AGPAT2: variants seen among roughly 807,000 people sequenced by gnomAD.
The protein encoded by AGPAT2 is 1-acyl-sn-glycerol-3-phosphate acyltransferase beta.
AGPAT2 carries 18 observed loss-of-function variants against 26.1 expected under a neutral mutation model. The observed-to-expected ratio is 0.69, with a 90% CI of 0.48 to 1.02. The LOEUF (loss-of-function observed/expected upper bound fraction) is 1.02. Among genes scored for constraint, AGPAT2 ranks in the 50% least tolerant of loss-of-function variants. The probability of loss-of-function intolerance (pLI) is 0.00; values close to 1 mark genes in which losing one functional copy is unlikely to be tolerated. For synonymous variants in AGPAT2, 200 were observed against 174.2 expected (o/e 1.15, Z -1.16); for missense variants, 415 against 394.9 (o/e 1.05, Z -0.43).
chr9:136,677,742 T>C (rs1228834901), intron 1 of AGPAT2, among the ~76,000 whole-genome samples, 186 bp from the exon 2 acceptor site: 1 of 152,172 alleles, frequency 6.6e-6, no homozygotes, highest in Non-Finnish European at 1.5e-5. Flanking sequence ...CTCACCCACC[T>C]GGACGGCTGC....
chr9:136,685,417 G>A (rs1490281365), intron 1 of AGPAT2, among the ~76,000 whole-genome samples: 1 of 152,224 alleles, frequency 6.6e-6, no homozygotes, highest in Non-Finnish European at 1.5e-5. Flanking sequence ...CAGGTGAACT[G>A]TGATTTGGTC....
chr9:136,675,622 T>C (rs1846081502), intron 4 of AGPAT2, among the ~76,000 whole-genome samples: 2 of 151,674 alleles, frequency 1.3e-5, no homozygotes, highest in African/African-American at 2.4e-5. Context: ...GTGGGTCTCC[T>C]GGCTGAAGCT....
intron 1 of AGPAT2, among the ~76,000 whole-genome samples, chr9:136,686,186 G>A (rs1846218885): frequency 6.6e-6 from 1 of 152,264 alleles, no homozygotes. Context: ...GGGCTGGCAA[G>A]GACAGCGAGT....
intron 1 of AGPAT2, among the ~76,000 whole-genome samples, chr9:136,684,211 G>A (rs1846194582): frequency 1.3e-5 from 2 of 152,192 alleles, no homozygotes; most frequent in Non-Finnish European, 2.9e-5. Context: ...GTATGAAAAA[G>A]TAAACTTCTC....
At chr9:136,680,269 C>T (rs2119191824) in intron 1 of AGPAT2, among the ~76,000 whole-genome samples, 1 of 152,352 alleles carries the variant, frequency 6.6e-6, no homozygotes. Flanking sequence ...CTCTGTCACC[C>T]AGACTGGAGT....
chr9:136,675,721 A>G (rs1241374544), intron 4 of AGPAT2, among the ~76,000 whole-genome samples: 2 of 152,116 alleles, frequency 1.3e-5, no homozygotes, highest in African/African-American at 2.4e-5. Context: ...TCTGCCCCCA[A>G]AGGGAAGTGA....
intron 2 of AGPAT2, 45 bp downstream of exon 2, chr9:136,677,378 C>T (rs751791200): frequency 1.6e-5 from 26 of 1,612,374 alleles, no homozygotes; most frequent in Admixed American, 1.0e-4. Context: ...CCAGCTCAGC[C>T]GGCCCCACTC....
chr9:136,687,439 T>G lies in AGPAT2; in HGVS notation c.-82A>C, dbSNP rs1311221138. ...CTCCCCCGCGCGCTCAGGCCCCTTATTGCGAGGGCGGCGGGGCTGGGCGGG... is the reference window on the plus strand; with the variant it reads ...CTCCCCCGCGCGCTCAGGCCCCTTAGTGCGAGGGCGGCGGGGCTGGGCGGG... On this transcript the variant is annotated 5_prime_UTR_variant, in exon 1 of 6. Transcript: ENST00000371696. 2.0e-5 allele frequency: 24 copies of G among 1,172,484 alleles called. No homozygotes were observed. The highest frequency in any genetic ancestry group is 2.3e-5 in the Non-Finnish European group (21 of 909,682). 72.6% of individuals were successfully genotyped at this position (1,172,484 alleles called of 1,614,324 possible).
chr9:136,679,611 A>C (rs1004790931), intron 1 of AGPAT2, among the ~76,000 whole-genome samples: 7 of 152,218 alleles, frequency 4.6e-5, no homozygotes, highest in African/African-American at 1.7e-4. Flanking sequence ...CGCTCCAAGA[A>C]GACGAGGAGG....
rs1176976293 is a variant in AGPAT2, at chr9:136,679,994, G to A, written c.183-2438C>T. On this transcript the variant is annotated intron_variant, in intron 1 of 5. Coordinates refer to ENST00000371696, the MANE Select transcript of AGPAT2 (RefSeq NM_006412.4). Reference sequence around the variant, plus strand: ...AGGAAAACCTGAAAATGCTTAAATAGCCACCAGTAGAAAGAGGGAAAGTAA... The same window carrying A: ...AGGAAAACCTGAAAATGCTTAAATAACCACCAGTAGAAAGAGGGAAAGTAA... 4.6e-5 allele frequency among the ~76,000 whole-genome samples: 7 copies of A among 152,308 alleles called. No homozygotes were observed. The East Asian group carries it at 1.3e-3, about 29-fold the overall frequency.
At chr9:136,675,436 A>G (rs192559715) in intron 4 of AGPAT2, among the ~76,000 whole-genome samples, 341 of 13,764 alleles carry the variant, frequency 0.025, 33 homozygotes, top group Middle Eastern at 0.1. Context: ...TGGCAGCAGG[A>G]AGGGAGGAGG....
At chr9:136,676,801 A>C (rs939830624) in intron 3 of AGPAT2, 121 bp from the exon 4 acceptor site, 6 of 1,262,528 alleles carry the variant, frequency 4.8e-6, no homozygotes, top group Non-Finnish European at 6.8e-6. Context: ...CCATCTGCGG[A>C]GCATGGATGA....
intron 1 of AGPAT2, among the ~76,000 whole-genome samples, chr9:136,686,254 T>C (rs1482082388): frequency 3.9e-5 from 6 of 152,210 alleles, no homozygotes; most frequent in Non-Finnish European, 8.8e-5. Context: ...AGGGGGCCTC[T>C]GGGGCCACAA....
chr9:136,677,657 C>T, intron 1 of AGPAT2, 101 bp from the exon 2 acceptor site: 1 of 1,446,452 alleles, frequency 6.9e-7, no homozygotes, highest in Non-Finnish European at 9.6e-7. Flanking sequence ...TGGGGAGGGG[C>T]CCTCCTGGCA....
Position 136,673,753 on chromosome 9 carries a change from T to A in AGPAT2, c.836A>T (p.Ter279LeuextTer87). The A allele has an allele frequency of 6.3e-7, 1 of 1,588,332 alleles. No individual in the cohort carries two copies. Among genetic ancestry groups the A allele is most frequent in the Non-Finnish European group, 8.6e-7 (1 of 1,168,692 alleles). ...TAGSGVQPAQ[*>L] Reference sequence around the variant, plus strand: ...GGTCATGCCCTGCCGTGGTCTGGGCTACTGGGCCGGCTGCACGCCAGACCC... The same window carrying A: ...GGTCATGCCCTGCCGTGGTCTGGGCAACTGGGCCGGCTGCACGCCAGACCC... Residue 279 changes from the stop codon to leucine, a stop_lost, in exon 6 of 6, where the codon TAG becomes TTG. Coordinates refer to ENST00000371696, the MANE Select transcript of AGPAT2 (RefSeq NM_006412.4).
At chr9:136,683,079 G>GA (rs1391850125) in intron 1 of AGPAT2, among the ~76,000 whole-genome samples, 37 of 149,778 alleles carry the variant, frequency 2.5e-4, no homozygotes, top group African/African-American at 8.8e-4. Flanking sequence ...GGGGGGAGGG[G>GA]GGGAAGAATC....
intron 1 of AGPAT2, among the ~76,000 whole-genome samples, chr9:136,685,728 TGG>T (rs1846213423): frequency 1.3e-5 from 2 of 152,076 alleles, no homozygotes; most frequent in South Asian, 4.1e-4. Context: ...CCTCCTCAGC[TGG>T]GAAAGCCGCA....
Position 136,677,029 on chromosome 9 carries a change from T to A in AGPAT2, c.424A>T (p.Asn142Tyr). 1 of 1,612,456 alleles carries A rather than the reference T, an allele frequency of 6.2e-7. No individual in the cohort carries two copies. Among genetic ancestry groups the A allele is most frequent in the Non-Finnish European group, 8.5e-7 (1 of 1,179,696 alleles). The change falls in exon 3 of 6, where the codon AAC (asparagine) becomes TAC (tyrosine). Residue 142 changes from asparagine (N) to tyrosine (Y), a missense_variant. Physicochemically the swap from Asn to Tyr is moderately radical, Grantham distance 143. Coordinates refer to ENST00000371696, the MANE Select transcript of AGPAT2 (RefSeq NM_006412.4). ...IMYLGGVFFI[N>Y]RQRSSTAMTV... ...ATGGCAGTGCTAGAGCGCTGCCGGT[T>A]GATGAAGAAGACGCCCCCGAGGTAC...
intron 1 of AGPAT2, among the ~76,000 whole-genome samples, chr9:136,681,957 A>T (rs1175429820): frequency 1.3e-5 from 2 of 152,104 alleles, no homozygotes; most frequent in African/African-American, 4.8e-5. Context: ...AAGCCTCGAG[A>T]CAAGGGCTCT....
Sources: allele counts gnomAD v4.1 joint callset (sites outside exome capture counted in the v4.1 genomes callset), GRCh38; gene constraint gnomAD v4.1.1; transcripts MANE v1.5; gene names NCBI Gene and HGNC (gene_info 2026-07-23, HGNC 2026-07-21).